The following NET1 variants were observed in gnomAD, a reference collection of about 807,000 sequenced individuals.
The protein encoded by NET1 is neuroepithelial cell-transforming gene 1 protein.
Under a neutral mutation model 61.1 loss-of-function variants are expected in NET1, and 42 were observed. The observed-to-expected ratio is 0.69, with a 90% CI of 0.54 to 0.89. NET1 has a LOEUF of 0.89. Among genes scored for constraint, NET1 ranks in the 40% least tolerant of loss-of-function variants. The pLI is 0.00. For synonymous variants in NET1, 254 were observed against 281.8 expected, an observed-to-expected ratio of 0.90 and a Z score of 0.99; for missense variants, 654 against 747.3, an observed-to-expected ratio of 0.88 and a Z score of 1.46.
chr10:5,450,718 CCATAGA>C (rs1178441055), intron 3 of NET1, among the ~76,000 whole-genome samples: 2 of 152,086 alleles, frequency 1.3e-5, no homozygotes, highest in African/African-American at 4.8e-5. Flanking sequence ...TAGTTATGCT[CCATAGA>C]CATAAAGAAT....
intron 2 of NET1, among the ~76,000 whole-genome samples, chr10:5,428,715 A>G (rs1378844041): frequency 6.9e-6 from 1 of 144,288 alleles, no homozygotes; most frequent in Non-Finnish European, 1.5e-5. Context: ...TCCTCAAGAT[A>G]ATTTTCTTTG....
intron 1 of NET1, among the ~76,000 whole-genome samples, chr10:5,425,916 T>G (rs531644903): frequency 6.3e-4 from 96 of 152,238 alleles, no homozygotes; most frequent in Non-Finnish European, 1.0e-3. Context: ...TTGTGCTAGC[T>G]ATGTTTTTGT....
At position 5,412,745 on chromosome 10, in the gene NET1, G is replaced by A. The variant is rs1258973960; in HGVS notation, c.53G>A (p.Arg18His). 1.3e-6 allele frequency: 2 copies of A among 1,482,270 alleles called. No homozygotes were observed. Among genetic ancestry groups the A allele is most frequent in the African/African-American group, 1.5e-5 (1 of 68,366 alleles). The allele number at this position is 1,482,270 out of a possible 1,614,324, so 91.8% of individuals were successfully genotyped here. A position where few individuals can be genotyped will look rare whatever the true frequency, so the allele number is the denominator to read the frequency against. Reference protein sequence around the residue: ...QKQPRPRRRSRRASGLSTEGA... With the variant: ...QKQPRPRRRSHRASGLSTEGA... ...CAGCCTCGACCGCGGAGGCGAAGCCGCCGGGCCTCTGGGCTCAGCACGGAG... is the reference window on the plus strand; with the variant it reads ...CAGCCTCGACCGCGGAGGCGAAGCCACCGGGCCTCTGGGCTCAGCACGGAG... The change falls in exon 1 of 12, where the codon CGC becomes CAC. Residue 18 changes from arginine to histidine, a missense_variant. Coordinates refer to ENST00000355029, the MANE Select transcript of NET1 (RefSeq NM_001047160.3). This position sits in a 1 kb window ranked among gnomAD's most constrained non-coding sequence, Gnocchi z 6.5.
At chr10:5,418,132 GT>G (rs1832111550) in intron 1 of NET1, among the ~76,000 whole-genome samples, 1 of 152,054 alleles carries the variant, frequency 6.6e-6, no homozygotes, top group Non-Finnish European at 1.5e-5. Flanking sequence ...TACTATGCTT[GT>G]CTGGTTTTGG....
chr10:5,452,319 A>G lies in NET1; in HGVS notation c.364-39A>G, dbSNP rs1832717679. 1 of 1,489,844 alleles carries G rather than the reference A, an allele frequency of 6.7e-7. No homozygotes were observed. The highest frequency in any genetic ancestry group is 9.0e-7 in the Non-Finnish European group (1 of 1,111,282). 92.3% of individuals were successfully genotyped at this position (1,489,844 alleles called of 1,614,324 possible). A position where few individuals can be genotyped will look rare whatever the true frequency, so the allele number is the denominator to read the frequency against. On this transcript the variant is annotated intron_variant, in intron 4 of 11. Coordinates refer to ENST00000355029, the MANE Select transcript of NET1 (RefSeq NM_001047160.3). The surrounding 1 kb of genome is among the most constrained non-coding windows in gnomAD (Gnocchi z 4.0). ...AATGGGAATAATTCTATTTCTTCCA[A>G]ATCTTATTTTCTCTTTTGTTCACCT...
At position 5,443,981 on chromosome 10, in the gene NET1, C is replaced by T. The variant is rs1469422416; in HGVS notation, c.256-7849C>T. ...GGCCGTAAAGTATTGGCCTTACTTACGCCATATTTTAACTGATGAAGCTAA... is the reference window on the plus strand; with the variant it reads ...GGCCGTAAAGTATTGGCCTTACTTATGCCATATTTTAACTGATGAAGCTAA... On this transcript the variant is annotated intron_variant, in intron 3 of 11. Coordinates refer to ENST00000355029, the MANE Select transcript of NET1 (RefSeq NM_001047160.3). The surrounding 1 kb of genome is among the most constrained non-coding windows in gnomAD (Gnocchi z 4.8). 2.6e-5 allele frequency among the ~76,000 whole-genome samples: 4 copies of T among 152,304 alleles called. No homozygotes were observed. Among genetic ancestry groups the T allele is most frequent in the African/African-American group, 4.8e-5 (2 of 41,566 alleles).
Position 5,451,870 on chromosome 10 carries a change from C to A in NET1, c.296C>A (p.Thr99Lys). Residue 99 changes from threonine (T) to lysine (K), a missense_variant, in exon 4 of 12, where the codon ACG becomes AAG. Physicochemically the swap from Thr to Lys is moderately conservative, Grantham distance 78. Coordinates refer to ENST00000355029, the MANE Select transcript of NET1 (RefSeq NM_001047160.3). This position sits in a 1 kb window ranked among gnomAD's most constrained non-coding sequence, Gnocchi z 6.1. ...AGAGTTCGACCTCTGGCTCGTGTCA[C>A]GTCCTTGGCAAATTTAATCTCTCCT... ...NKRVRPLARV[T>K]SLANLISPVR... 1 of 1,613,916 alleles carries A rather than the reference C, an allele frequency of 6.2e-7. No homozygotes were observed. Among genetic ancestry groups the A allele is most frequent in the Non-Finnish European group, 8.5e-7 (1 of 1,179,898 alleles).
Position 5,454,164 on chromosome 10 carries a change from C to A in NET1, c.769-101C>A. 8.1e-7 allele frequency: 1 copy of A among 1,233,294 alleles called. No individual in the cohort carries two copies. Among genetic ancestry groups the A allele is most frequent in the Non-Finnish European group, 1.1e-6 (1 of 884,706 alleles). 76.4% of individuals were successfully genotyped at this position (1,233,294 alleles called of 1,614,324 possible). A position where few individuals can be genotyped will look rare whatever the true frequency, so the allele number is the denominator to read the frequency against. ...AAAATGTCCACAGCTTGTTAAAACT[C>A]TCAAGAATAGCTGTACATTTTGTGT... On this transcript the variant is annotated intron_variant, in intron 8 of 11. Transcript: ENST00000355029. The surrounding 1 kb of genome is among the most constrained non-coding windows in gnomAD (Gnocchi z 8.1).
intron 1 of NET1, among the ~76,000 whole-genome samples, chr10:5,425,560 T>A (rs1420998623): frequency 2.0e-5 from 3 of 152,218 alleles, no homozygotes; most frequent in African/African-American, 7.2e-5. Context: ...AACCAACCTG[T>A]GAAAGCCAGA....
At position 5,456,022 on chromosome 10, in the gene NET1, G is replaced by A. The variant is rs1177913866; in HGVS notation, c.1198-65G>A. 1 of 1,390,682 alleles carries A rather than the reference G, an allele frequency of 7.2e-7. No homozygotes were observed. The highest frequency in any genetic ancestry group is 9.8e-7 in the Non-Finnish European group (1 of 1,017,680). 86.1% of individuals were successfully genotyped at this position (1,390,682 alleles called of 1,614,324 possible). On this transcript the variant is annotated intron_variant, in intron 10 of 11. Transcript: ENST00000355029. This position sits in a 1 kb window ranked among gnomAD's most constrained non-coding sequence, Gnocchi z 7.0. Reference sequence around the variant, plus strand: ...AAATTAATAATGTCGAGTTATTTTAGCAATATATTTCAGTCACTTAAAAAC... The same window carrying A: ...AAATTAATAATGTCGAGTTATTTTAACAATATATTTCAGTCACTTAAAAAC...
rs146985331 is a variant in NET1 at position 5,454,331 on chromosome 10, C to G, written c.835C>G (p.Gln279Glu). 1 of 1,614,146 alleles carries G rather than the reference C, an allele frequency of 6.2e-7. No homozygotes were observed. The highest frequency in any genetic ancestry group is 8.5e-7 in the Non-Finnish European group (1 of 1,180,018). ...GCTGGCAGCCAAAGCTCTTCTTGAT[C>G]AAAAGAAACAGGATCCAAGAGTCCA... Reference protein sequence around the residue: ...NQLAAKALLDQKKQDPRVQDF... With the variant: ...NQLAAKALLDEKKQDPRVQDF... Residue 279 changes from glutamine (Q) to glutamate (E), a missense_variant, in exon 9 of 12, where the codon CAA (glutamine) becomes GAA (glutamate). Physicochemically the swap from Gln to Glu is conservative, Grantham distance 29. Transcript: ENST00000355029. This position sits in a 1 kb window ranked among gnomAD's most constrained non-coding sequence, Gnocchi z 8.1.
intron 1 of NET1, among the ~76,000 whole-genome samples, chr10:5,419,461 CTT>C (rs1832132272): frequency 1.3e-5 from 2 of 152,206 alleles, no homozygotes; most frequent in Admixed American, 1.3e-4. Context: ...TTATATATGT[CTT>C]TTGTTTCTCT....
rs1485355715 is a variant in NET1 at position 5,423,713 on chromosome 10, G to GA, written c.129-2937dup. Among the ~76,000 whole-genome samples, 4 of 151,942 alleles carry GA rather than the reference G, an allele frequency of 2.6e-5. No homozygotes were observed. Among genetic ancestry groups the GA allele is most frequent in the African/African-American group, 4.8e-5 (2 of 41,362 alleles). ...AGGAGGTTATTCTGTGTATCCTCTG[G>GA]AAAAATAACTTGCAATCTTAATGTT... On this transcript the variant is annotated intron_variant, in intron 1 of 11. Coordinates refer to ENST00000355029, the MANE Select transcript of NET1 (RefSeq NM_001047160.3). The surrounding 1 kb of genome is among the most constrained non-coding windows in gnomAD (Gnocchi z 4.4).
In NET1 at chr10:5,431,505, A is replaced by G. The variant is rs1179601011; in HGVS notation, c.255+2276A>G. On this transcript the variant is annotated intron_variant, in intron 3 of 11. Coordinates refer to ENST00000355029, the MANE Select transcript of NET1 (RefSeq NM_001047160.3). The surrounding 1 kb of genome is among the most constrained non-coding windows in gnomAD (Gnocchi z 4.9). ...TTTTTTTCTTGGTGGTTGCAAAGTGATGACATGTCTTTATCAGACCTCTGT... is the reference window on the plus strand; with the variant it reads ...TTTTTTTCTTGGTGGTTGCAAAGTGGTGACATGTCTTTATCAGACCTCTGT... 6.6e-6 allele frequency among the ~76,000 whole-genome samples: 1 copy of G among 152,024 alleles called. No homozygotes were observed. The highest frequency in any genetic ancestry group is 1.5e-5 in the Non-Finnish European group (1 of 68,002).
rs889666514 is a variant in NET1, at chr10:5,440,579, C to T, written c.256-11251C>T. Among the ~76,000 whole-genome samples the T allele has an allele frequency of 2.0e-5, 3 of 152,172 alleles. No individual in the cohort carries two copies. Among genetic ancestry groups the T allele is most frequent in the South Asian group, 2.1e-4 (1 of 4,822 alleles). On this transcript the variant is annotated intron_variant, in intron 3 of 11. Coordinates refer to ENST00000355029, the MANE Select transcript of NET1 (RefSeq NM_001047160.3). This position sits in a 1 kb window ranked among gnomAD's most constrained non-coding sequence, Gnocchi z 4.1. ...TGATGGCTGATCTCTGCATTTTCTC[C>T]TGGTGTGCAATACTGCTTCTGACTT... is the stretch of plus-strand genomic sequence containing the variant.
rs1451169594 is a variant in NET1 at position 5,417,084 on chromosome 10, G to C, written c.128+4264G>C. ...GCCAGAAGGGAAATGGTTTTGCCCT[G>C]GTGTCAGGTTGCCCGATTCTCCTCC... On this transcript the variant is annotated intron_variant, in intron 1 of 11. Transcript: ENST00000355029. The surrounding 1 kb of genome is among the most constrained non-coding windows in gnomAD (Gnocchi z 5.5). Among the ~76,000 whole-genome samples, 1 of 152,202 alleles carries C rather than the reference G, an allele frequency of 6.6e-6. No individual in the cohort carries two copies. Among genetic ancestry groups the C allele is most frequent in the East Asian group, 1.9e-4 (1 of 5,192 alleles).
chr10:5,435,370 TCTAAATACAACAGTTTTTATGTAATAAG>T lies in NET1; in HGVS notation c.255+6147_255+6174del, dbSNP rs1252345642. On this transcript the variant is annotated intron_variant, in intron 3 of 11. Coordinates refer to ENST00000355029, the MANE Select transcript of NET1 (RefSeq NM_001047160.3). This position sits in a 1 kb window ranked among gnomAD's most constrained non-coding sequence, Gnocchi z 5.0. ...CCCCTGATTTTTGCTTGGACTTACA[TCTAAATACAACAGTTTTTATGTAATAAG>T]CTAAACATAATCTGTTAGTACAATT... Among the ~76,000 whole-genome samples the T allele has an allele frequency of 2.0e-5, 3 of 152,184 alleles. No individual in the cohort carries two copies. The highest frequency in any genetic ancestry group is 4.4e-5 in the Non-Finnish European group (3 of 68,028).
At chr10:5,434,599 T>C (rs943381002) in intron 3 of NET1, among the ~76,000 whole-genome samples, 2 of 152,096 alleles carry the variant, frequency 1.3e-5, no homozygotes, top group Non-Finnish European at 1.5e-5. Context: ...TGCTGATACT[T>C]TGTGGGCCTC....
At chr10:5,418,559 TAC>T (rs1170957441) in intron 1 of NET1, among the ~76,000 whole-genome samples, 2 of 152,278 alleles carry the variant, frequency 1.3e-5, no homozygotes, top group East Asian at 1.9e-4. Flanking sequence ...TCAATCTAGC[TAC>T]AGTCTTGTCA....
Sources: gnomAD v4.1 joint callset for allele counts (sites outside exome capture counted in the v4.1 genomes callset) on GRCh38, gnomAD v4.1.1 for gene constraint, Gnocchi (gnomAD v3.1) non-coding constraint, MANE v1.5 for transcripts, NCBI Gene and HGNC (gene_info 2026-07-23, HGNC 2026-07-21) for gene names.